The following SRGAP3 variants were observed in gnomAD, a reference collection of about 807,000 sequenced individuals.
SRGAP3 encodes SLIT-ROBO Rho GTPase activating protein 3, also known as SLIT-ROBO Rho GTPase-activating protein 3.
SRGAP3 carries 39 observed loss-of-function variants against 121.1 expected under a neutral mutation model. The ratio of observed to expected loss-of-function variants is 0.32; its 90% CI spans 0.25 to 0.42. The LOEUF (loss-of-function observed/expected upper bound fraction) is 0.42, where lower values mean the gene tolerates loss of function less well. Among genes scored for constraint, SRGAP3 ranks in the 10% least tolerant of loss-of-function variants. The pLI is 1.00. For synonymous variants in SRGAP3, 601 were observed against 570.0 expected (o/e 1.05, Z -0.77); for missense variants, 1,213 against 1,470.6 (o/e 0.82, Z 2.86).
chr3:9,058,211 G>C, intron 7 of SRGAP3, 40 bp downstream of exon 7: 1 of 1,602,326 alleles, frequency 6.2e-7, no homozygotes, highest in Non-Finnish European at 8.5e-7. Context: ...GGGGAACAGA[G>C]GGAAGCAGCC....
intron 2 of SRGAP3, among the ~76,000 whole-genome samples, chr3:9,326,843 T>A (rs1192397739): frequency 6.6e-6 from 1 of 151,792 alleles, no homozygotes; most frequent in Non-Finnish European, 1.5e-5. Context: ...AAGTCATTCA[T>A]TTCACCAAAA....
intron 11 of SRGAP3, chr3:9,037,850 A>G: frequency 3.1e-6 from 2 of 639,840 alleles, no homozygotes; most frequent in Non-Finnish European, 2.7e-6. Context: ...CGCCCCTTCC[A>G]TCGCCAGCCT....
intron 3 of SRGAP3, among the ~76,000 whole-genome samples, chr3:9,316,775 A>C (rs1466103704): frequency 6.6e-6 from 1 of 152,234 alleles, no homozygotes; most frequent in African/African-American, 2.4e-5. Flanking sequence ...GAAATCAACT[A>C]TCCAAGCAAT....
chr3:9,124,630 A>G lies in SRGAP3; in HGVS notation c.260+95T>C, dbSNP rs1046823946. The G allele has an allele frequency of 7.2e-6, 11 of 1,537,752 alleles. 1 individual carries two copies. Among genetic ancestry groups the G allele is most frequent in the South Asian group, 2.3e-5 (2 of 88,692 alleles). Reference sequence around the variant, plus strand: ...CCTGAAGGCACACCCTCTGCCTCCAATGAAGCTGGCTGGCCTCCTTTCTGC... The same window carrying G: ...CCTGAAGGCACACCCTCTGCCTCCAGTGAAGCTGGCTGGCCTCCTTTCTGC... On this transcript the variant is annotated intron_variant, in intron 2 of 21. Coordinates refer to ENST00000383836, the MANE Select transcript of SRGAP3 (RefSeq NM_014850.4).
chr3:9,199,571 A>G lies in SRGAP3; in HGVS notation c.67+49314T>C, dbSNP rs563362995. 1.6e-4 allele frequency among the ~76,000 whole-genome samples: 24 copies of G among 152,324 alleles called. 1 individual carries two copies. In the South Asian group the frequency reaches 4.4e-3, roughly 28 times the overall value. ...TCTAATGGCTGTATAATATTCCATC[A>G]AAGAGTTGTAACATTATTAAATAGG... is the stretch of plus-strand genomic sequence containing the variant. On this transcript the variant is annotated intron_variant, in intron 1 of 21. Transcript: ENST00000383836.
At chr3:9,015,900 G>A in intron 14 of SRGAP3, 169 bp from the exon 15 acceptor site, 2 of 683,254 alleles carry the variant, frequency 2.9e-6, no homozygotes, top group Non-Finnish European at 5.0e-6. Context: ...AGTTCTCCCT[G>A]CAACTTATTT....
chr3:9,235,689 A>C (rs553237920), intron 1 of SRGAP3: 5 of 151,858 alleles, frequency 3.3e-5, no homozygotes, highest in African/African-American at 1.2e-4. Context: ...TATTTTCAGT[A>C]GAGACAGTGT....
At chr3:9,092,455 T>C (rs1004950155) in intron 3 of SRGAP3, among the ~76,000 whole-genome samples, 2 of 152,200 alleles carry the variant, frequency 1.3e-5, no homozygotes, top group South Asian at 2.1e-4. Context: ...AACTGCTTTA[T>C]GAGACAATAC....
intron 2 of SRGAP3, among the ~76,000 whole-genome samples, chr3:9,108,647 G>C (rs904591878): frequency 2.6e-5 from 4 of 152,170 alleles, no homozygotes; most frequent in Admixed American, 1.3e-4. Context: ...GCTATGGGCA[G>C]TGGGGAGTCA....
chr3:9,196,680 C>G (rs559841825), intron 1 of SRGAP3, among the ~76,000 whole-genome samples: 5 of 152,074 alleles, frequency 3.3e-5, no homozygotes, highest in Admixed American at 6.5e-5. Context: ...ACAATTTGTA[C>G]AGAATAGATG....
intron 1 of SRGAP3, among the ~76,000 whole-genome samples, chr3:9,192,235 T>C (rs1951774573): frequency 6.6e-6 from 1 of 152,184 alleles, no homozygotes; most frequent in Admixed American, 6.5e-5. Flanking sequence ...GCCCTTGGAA[T>C]ATCGTGCCTG....
chr3:9,183,104 T>C lies in SRGAP3; in HGVS notation c.68-58187A>G, dbSNP rs117830203. Among the ~76,000 whole-genome samples, 85 of 152,226 alleles carry C rather than the reference T, an allele frequency of 5.6e-4. No homozygotes were observed. The East Asian group carries it at 0.012, about 21-fold the overall frequency. On this transcript the variant is annotated intron_variant, in intron 1 of 21. Coordinates refer to ENST00000383836, the MANE Select transcript of SRGAP3 (RefSeq NM_014850.4). Reference sequence around the variant, plus strand: ...CGATGCTTTGGCATTCTCAGACCCATTGAACAGAGGAAAGAGCCATCAACT... The same window carrying C: ...CGATGCTTTGGCATTCTCAGACCCACTGAACAGAGGAAAGAGCCATCAACT...
At chr3:9,322,551 T>C (rs1338033577) in intron 3 of SRGAP3, among the ~76,000 whole-genome samples, 1 of 151,862 alleles carries the variant, frequency 6.6e-6, no homozygotes, top group African/African-American at 2.4e-5. Context: ...CTCCACCTCC[T>C]GTTGCATCGG....
chr3:9,101,196 C>T lies in SRGAP3; in HGVS notation c.423+3484G>A, dbSNP rs115340577. Reference sequence around the variant, plus strand: ...TTTATTGAGGGACATCTAGCAGAGGCGTACAGCTGCTGTAGAGGATGATAA... The same window carrying T: ...TTTATTGAGGGACATCTAGCAGAGGTGTACAGCTGCTGTAGAGGATGATAA... On this transcript the variant is annotated intron_variant, in intron 3 of 21. Transcript: ENST00000383836. Among the ~76,000 whole-genome samples the T allele has an allele frequency of 6.7e-3, 1,025 of 152,312 alleles. 14 individuals are homozygous for T. The highest frequency in any genetic ancestry group is 6.5e-3 in the Non-Finnish European group (440 of 68,022).
At chr3:9,222,916 C>T (rs1574897519) in intron 1 of SRGAP3, among the ~76,000 whole-genome samples, 1 of 152,312 alleles carries the variant, frequency 6.6e-6, no homozygotes, top group East Asian at 1.9e-4. Context: ...TGGGTGATAT[C>T]TCTGTGATAG....
intron 3 of SRGAP3, among the ~76,000 whole-genome samples, chr3:9,271,942 G>A (rs527249804): frequency 1.3e-5 from 2 of 152,322 alleles, no homozygotes; most frequent in South Asian, 4.1e-4. Flanking sequence ...TGGAATTATA[G>A]TCGTTCTGGA....
rs1159195071 is a variant in SRGAP3 at position 8,984,975 on chromosome 3, G to A, written c.*544C>T. 4.4e-6 allele frequency: 1 copy of A among 228,908 alleles called. No homozygotes were observed. Among genetic ancestry groups the A allele is most frequent in the Admixed American group, 5.7e-5 (1 of 17,616 alleles). 14.2% of individuals were successfully genotyped at this position (228,908 alleles called of 1,614,324 possible). A position where few individuals can be genotyped will look rare whatever the true frequency, so the allele number is the denominator to read the frequency against. On this transcript the variant is annotated 3_prime_UTR_variant, in exon 22 of 22. Coordinates refer to ENST00000383836, the MANE Select transcript of SRGAP3 (RefSeq NM_014850.4). ...TGCAAATCCCACCAAATAACTCGGT[G>A]GGAGATGTTTGGTGGCATGGATCTG...
Position 8,983,344 on chromosome 3 carries a change from T to G in SRGAP3, c.*2175A>C, listed in dbSNP as rs1202521550. On this transcript the variant is annotated 3_prime_UTR_variant, in exon 22 of 22. Transcript: ENST00000383836. ...TTCATTCTAGGCCAAACAAGGGAGG[T>G]CAAGTTTGACACTGGCCTCTCCCTG... 4.4e-6 allele frequency: 1 copy of G among 228,374 alleles called. No individual in the cohort carries two copies. Among genetic ancestry groups the G allele is most frequent in the African/African-American group, 2.2e-5 (1 of 44,924 alleles). 14.1% of individuals were successfully genotyped at this position (228,374 alleles called of 1,614,324 possible). A position where few individuals can be genotyped will look rare whatever the true frequency, so the allele number is the denominator to read the frequency against.
chr3:9,356,024 T>C (rs996099114), intron 1 of SRGAP3, among the ~76,000 whole-genome samples: 1 of 152,128 alleles, frequency 6.6e-6, no homozygotes, highest in African/African-American at 2.4e-5. Context: ...CATGATCTAA[T>C]CACAGCTTAA....
Sources: gnomAD v4.1 joint callset for allele counts (sites outside exome capture counted in the v4.1 genomes callset) on GRCh38, gnomAD v4.1.1 for gene constraint, MANE v1.5 for transcripts, NCBI Gene and HGNC (gene_info 2026-07-23, HGNC 2026-07-21) for gene names.